EXOSC7: variants seen among roughly 807,000 people sequenced by gnomAD.
EXOSC7 encodes the protein exosome component 7.
In EXOSC7, 25 loss-of-function variants were observed where a neutral mutation model predicts 34.3. That is an observed-to-expected ratio of 0.73 (90% CI 0.53 to 1.02). EXOSC7 has a LOEUF of 1.02. Among genes scored for constraint, EXOSC7 ranks in the 50% least tolerant of loss-of-function variants. EXOSC7 has a pLI of 0.00. For synonymous variants in EXOSC7, 130 were observed against 143.0 expected (o/e 0.91, Z 0.65); for missense variants, 370 against 368.5 (o/e 1.00, Z -0.03).
At chr3:44,986,401 C>G (rs62242656) in intron 1 of EXOSC7, among the ~76,000 whole-genome samples, 6 of 152,192 alleles carry the variant, frequency 3.9e-5, no homozygotes, top group Middle Eastern at 3.2e-3. Flanking sequence ...CACACCCACC[C>G]GCTGAGCCCA....
At chr3:44,999,008 GT>G (rs1424591294) in intron 4 of EXOSC7, among the ~76,000 whole-genome samples, 2 of 152,220 alleles carry the variant, frequency 1.3e-5, no homozygotes, top group African/African-American at 4.8e-5. Flanking sequence ...TAAGACACAA[GT>G]GTGTGGCACA....
At chr3:45,008,191 A>G (rs1707108239) in intron 7 of EXOSC7, among the ~76,000 whole-genome samples, 1 of 152,224 alleles carries the variant, frequency 6.6e-6, no homozygotes, top group Admixed American at 6.5e-5. Context: ...CAGGGCAGGG[A>G]CAGGGTCCTG....
chr3:44,976,655 G>T (rs1706045497), intron 1 of EXOSC7, among the ~76,000 whole-genome samples: 1 of 152,220 alleles, frequency 6.6e-6, no homozygotes, highest in Admixed American at 6.5e-5. Flanking sequence ...CACAGATCTT[G>T]TCCGAGCCTC....
At position 45,005,183 on chromosome 3, in the gene EXOSC7, G is replaced by A. The variant is rs189181540; in HGVS notation, c.492-108G>A. The A allele has an allele frequency of 1.5e-5, 19 of 1,268,268 alleles. No individual in the cohort carries two copies. The East Asian group carries it at 2.6e-4, about 17-fold the overall frequency. The allele number at this position is 1,268,268 out of a possible 1,614,324, so 78.6% of individuals were successfully genotyped here. A position where few individuals can be genotyped will look rare whatever the true frequency, so the allele number is the denominator to read the frequency against. On this transcript the variant is annotated intron_variant, in intron 5 of 7. Transcript: ENST00000265564. Reference sequence around the variant, plus strand: ...GAGGATGATAAAGAATAGGCATAGCGTGTCTTTCTCTTGTGAGACACAGGG... The same window carrying A: ...GAGGATGATAAAGAATAGGCATAGCATGTCTTTCTCTTGTGAGACACAGGG...
intron 7 of EXOSC7, among the ~76,000 whole-genome samples, chr3:45,010,836 C>T (rs1257783967): frequency 6.6e-6 from 1 of 152,170 alleles, no homozygotes; most frequent in East Asian, 1.9e-4. Flanking sequence ...TCCAGACAGA[C>T]TCTGGATTCC....
chr3:44,992,595 C>G (rs1005925239), intron 3 of EXOSC7, among the ~76,000 whole-genome samples: 18 of 152,214 alleles, frequency 1.2e-4, no homozygotes, highest in Middle Eastern at 3.2e-3. Context: ...CCTGGCAGCA[C>G]TGTCACTAAA....
intron 7 of EXOSC7, 48 bp from the exon 8 acceptor site, chr3:45,011,187 G>A (rs1438906546): frequency 9.0e-7 from 1 of 1,110,856 alleles, no homozygotes; most frequent in African/African-American, 1.6e-5. Flanking sequence ...GTCAGAGTGT[G>A]TGTGCCTTAC....
chr3:45,000,871 C>T (rs1220246278), intron 4 of EXOSC7, among the ~76,000 whole-genome samples: 2 of 152,138 alleles, frequency 1.3e-5, no homozygotes, highest in Non-Finnish European at 2.9e-5. Flanking sequence ...CAGGGCAGCC[C>T]CAACTGCCTG....
chr3:44,979,294 C>T (rs1345442683), intron 1 of EXOSC7, among the ~76,000 whole-genome samples: 2 of 152,192 alleles, frequency 1.3e-5, no homozygotes, highest in African/African-American at 2.4e-5. Flanking sequence ...TAAGCAGTGC[C>T]TGCCTGAACT....
Position 45,011,225 on chromosome 3 carries a change from T to A in EXOSC7, c.772-10T>A. 1 of 1,593,166 alleles carries A rather than the reference T, an allele frequency of 6.3e-7. No individual in the cohort carries two copies. The highest frequency in any genetic ancestry group is 1.7e-4 in the Middle Eastern group (1 of 6,002). ...GGGGGTGTGTGCTCTCTCCCGTCCC[T>A]TCTCCACAGACTGGCAAGCGTGTGG... On this transcript the variant is annotated splice_polypyrimidine_tract_variant and intron_variant, in intron 7 of 7. Coordinates refer to ENST00000265564, the MANE Select transcript of EXOSC7 (RefSeq NM_015004.4).
intron 1 of EXOSC7, chr3:44,977,399 A>G (rs1706106481): frequency 6.6e-6 from 1 of 152,218 alleles, no homozygotes; most frequent in Non-Finnish European, 1.5e-5. Flanking sequence ...GCGGCCAGCT[A>G]TCATTGAAGT....
intron 4 of EXOSC7, among the ~76,000 whole-genome samples, chr3:44,999,689 TAAA>T (rs557203867): frequency 6.9e-6 from 1 of 144,686 alleles, no homozygotes. Context: ...AATCCATCTT[TAAA>T]AAAAAAAAAA....
intron 7 of EXOSC7, 109 bp from the exon 8 acceptor site, chr3:45,011,126 G>A (rs952551992): frequency 7.7e-6 from 4 of 516,300 alleles, no homozygotes; most frequent in Non-Finnish European, 1.3e-5. Flanking sequence ...AAGGCAGATG[G>A]AATGTGTACA....
In EXOSC7 at chr3:45,007,645, C is replaced by T. The variant is rs1042408319; in HGVS notation, c.771+70C>T. 4 of 1,441,670 alleles carry T rather than the reference C, an allele frequency of 2.8e-6. No homozygotes were observed. The African/African-American group carries it at 4.3e-5, about 15-fold the overall frequency. The allele number at this position is 1,441,670 out of a possible 1,614,324, so 89.3% of individuals were successfully genotyped here. ...GCCTGCTGCTTCCTGCTCCCTTGGT[C>T]ATACCGTGGGGATTCTCCCCATTCA... is the stretch of plus-strand genomic sequence containing the variant. On this transcript the variant is annotated intron_variant, in intron 7 of 7. Coordinates refer to ENST00000265564, the MANE Select transcript of EXOSC7 (RefSeq NM_015004.4).
intron 1 of EXOSC7, among the ~76,000 whole-genome samples, chr3:44,987,057 G>A (rs184690136): frequency 2.9e-4 from 43 of 147,246 alleles, no homozygotes; most frequent in South Asian, 1.7e-3. Context: ...ATGAGCCAAC[G>A]TGGAATGATT....
chr3:45,007,538 G>A lies in EXOSC7; in HGVS notation c.734G>A (p.Gly245Asp), dbSNP rs1265765447. Reference protein sequence around the residue: ...VVTCMRKVGKGSLDPESIFEM... With the variant: ...VVTCMRKVGKDSLDPESIFEM... The stretch of plus-strand genomic sequence containing the variant: ...ACGTGCATGAGGAAAGTGGGGAAGG[G>A]CAGCCTGGACCCAGAGAGCATCTTC... The change falls in exon 7 of 8, where the codon GGC becomes GAC. Residue 245 changes from glycine to aspartate, a missense_variant. By Grantham distance (94) the Gly-to-Asp change is moderately conservative. Transcript: ENST00000265564. 1 of 1,613,268 alleles carries A rather than the reference G, an allele frequency of 6.2e-7. No individual in the cohort carries two copies. The highest frequency in any genetic ancestry group is 1.1e-5 in the South Asian group (1 of 90,976).
chr3:45,001,728 T>G (rs142238651), intron 5 of EXOSC7, 120 bp downstream of exon 5: 3 of 734,174 alleles, frequency 4.1e-6, no homozygotes, highest in Non-Finnish European at 7.2e-6. Context: ...GGTTTTAACA[T>G]TGAAAATGGT....
intron 5 of EXOSC7, 158 bp downstream of exon 5, chr3:45,001,766 A>T: frequency 1.7e-6 from 1 of 601,626 alleles, no homozygotes; most frequent in Non-Finnish European, 3.0e-6. Context: ...TCCAGAAAAG[A>T]TAGATTTCGT....
At chr3:44,984,869 A>G (rs1706365809) in intron 1 of EXOSC7, among the ~76,000 whole-genome samples, 1 of 152,252 alleles carries the variant, frequency 6.6e-6, no homozygotes, top group African/African-American at 2.4e-5. Flanking sequence ...ATAGATCTGT[A>G]GAATTAGAGA....
Sources: gnomAD v4.1 joint callset for allele counts (sites outside exome capture counted in the v4.1 genomes callset) on GRCh38, gnomAD v4.1.1 for gene constraint, MANE v1.5 for transcripts, NCBI Gene and HGNC (gene_info 2026-07-23, HGNC 2026-07-21) for gene names.